NNT: variants seen among roughly 807,000 people sequenced by gnomAD.
NNT encodes NAD(P) transhydrogenase, mitochondrial.
In NNT, 50 loss-of-function variants were observed where a neutral mutation model predicts 104.8. That is an observed-to-expected ratio of 0.48 (90% CI 0.38 to 0.60). The LOEUF (loss-of-function observed/expected upper bound fraction) is 0.60, where lower values mean the gene tolerates loss of function less well. NNT is among the 20% of genes least tolerant of loss of function. The probability of loss-of-function intolerance (pLI) is 0.00; values close to 1 mark genes in which losing one functional copy is unlikely to be tolerated. For synonymous variants in NNT, 461 were observed against 490.4 expected, an observed-to-expected ratio of 0.94 and a Z score of 0.79; for missense variants, 1,131 against 1,330.7, an observed-to-expected ratio of 0.85 and a Z score of 2.33.
intron 2 of NNT, among the ~76,000 whole-genome samples, chr5:43,610,857 G>T (rs893578654): frequency 2.0e-5 from 3 of 152,148 alleles, no homozygotes; most frequent in African/African-American, 7.2e-5. Context: ...TGGACATCAA[G>T]ATCTCTATAT....
chr5:43,660,654 G>C (rs1021062455), intron 17 of NNT, among the ~76,000 whole-genome samples: 4 of 152,190 alleles, frequency 2.6e-5, no homozygotes, highest in African/African-American at 7.2e-5. Context: ...TGACTGTGAG[G>C]CCACAGGAAG....
chr5:43,680,647 G>A (rs1182840564), intron 19 of NNT, among the ~76,000 whole-genome samples: 1 of 152,162 alleles, frequency 6.6e-6, no homozygotes. Flanking sequence ...AGACACTCCT[G>A]TTTTCCTTTA....
intron 19 of NNT, among the ~76,000 whole-genome samples, chr5:43,691,420 T>A (rs575575542): frequency 2.6e-5 from 4 of 152,312 alleles, no homozygotes; most frequent in African/African-American, 9.6e-5. Flanking sequence ...TGTTATTTTT[T>A]AAGTTGTTAG....
chr5:43,638,271 T>C (rs1156877049), intron 7 of NNT, among the ~76,000 whole-genome samples: 1 of 152,148 alleles, frequency 6.6e-6, no homozygotes, highest in Non-Finnish European at 1.5e-5. Flanking sequence ...CGGCCAGCAA[T>C]TTATAGCAGC....
intron 19 of NNT, among the ~76,000 whole-genome samples, chr5:43,686,485 A>G (rs1741997646): frequency 6.6e-6 from 1 of 152,020 alleles, no homozygotes; most frequent in Admixed American, 6.6e-5. Context: ...GTTTTTTAGT[A>G]TTTTTGATGT....
intron 17 of NNT, among the ~76,000 whole-genome samples, chr5:43,673,731 T>G (rs1055036364): frequency 7.9e-5 from 12 of 152,118 alleles, no homozygotes; most frequent in African/African-American, 2.9e-4. Flanking sequence ...TTAAAAGCAT[T>G]TCTTTAGCTG....
At chr5:43,640,625 C>T (rs1023152368) in intron 7 of NNT, among the ~76,000 whole-genome samples, 2 of 151,818 alleles carry the variant, frequency 1.3e-5, no homozygotes, top group Admixed American at 1.3e-4. Flanking sequence ...TAAAGATCAC[C>T]TGTGATCTCT....
chr5:43,638,488 C>T (rs75032978), intron 7 of NNT, among the ~76,000 whole-genome samples: 10,062 of 152,182 alleles, frequency 0.066, 562 homozygotes, highest in African/African-American at 0.15. Flanking sequence ...TTTACCTGCT[C>T]TATTTTACAT....
chr5:43,657,566 A>G (rs973698241), intron 16 of NNT, among the ~76,000 whole-genome samples: 1 of 152,226 alleles, frequency 6.6e-6, no homozygotes, highest in Non-Finnish European at 1.5e-5. Flanking sequence ...GCAATTGCTT[A>G]TGAAATACTT....
chr5:43,702,658 T>C lies in NNT; in HGVS notation c.3033T>C (p.Thr1011=). Residue 1011 remains threonine, a synonymous_variant, in exon 21 of 22, where the codon ACT becomes ACC. Coordinates refer to ENST00000344920, the MANE Select transcript of NNT (RefSeq NM_182977.3). ...TCCTTGTAATTGGAGCTAATGACAC[T>C]GTTAATTCAGCAGCTCAAGAAGATC... ...DLVLVIGAND[T]VNSAAQEDPN... 4 of 1,612,982 alleles carry C rather than the reference T, an allele frequency of 2.5e-6. No homozygotes were observed. Among genetic ancestry groups the C allele is most frequent in the Non-Finnish European group, 3.4e-6 (4 of 1,179,332 alleles).
At chr5:43,638,270 ATT>A (rs2111777786) in intron 7 of NNT, among the ~76,000 whole-genome samples, 1 of 152,256 alleles carries the variant, frequency 6.6e-6, no homozygotes, top group East Asian at 1.9e-4. Flanking sequence ...TCGGCCAGCA[ATT>A]TATAGCAGCG....
At position 43,680,006 on chromosome 5, in the gene NNT, G is replaced by GT. The variant is rs949251470; in HGVS notation, c.2876+2209dup. On this transcript the variant is annotated intron_variant, in intron 19 of 21. Coordinates refer to ENST00000344920, the MANE Select transcript of NNT (RefSeq NM_182977.3). ...AGGTAAAATATATTAATATATTGTAGTTTTTTTTTACTATAGTATGTTGAA... is the reference window on the plus strand; with the variant it reads ...AGGTAAAATATATTAATATATTGTAGTTTTTTTTTTACTATAGTATGTTGAA... Among the ~76,000 whole-genome samples, 14 of 150,580 alleles carry GT rather than the reference G, an allele frequency of 9.3e-5. No homozygotes were observed. In the East Asian group the frequency reaches 9.7e-4, roughly 10 times the overall value.
chr5:43,626,928 T>C (rs1379534089), intron 6 of NNT, among the ~76,000 whole-genome samples: 2 of 152,130 alleles, frequency 1.3e-5, no homozygotes, highest in African/African-American at 4.8e-5. Flanking sequence ...TTCTTATTAA[T>C]ATTGGTAGAC....
chr5:43,646,083 TC>T (rs1416395294), intron 10 of NNT, among the ~76,000 whole-genome samples: 1 of 152,096 alleles, frequency 6.6e-6, no homozygotes, highest in Non-Finnish European at 1.5e-5. Context: ...CCATTAGTAA[TC>T]GGGCCTGACA....
intron 19 of NNT, among the ~76,000 whole-genome samples, chr5:43,681,839 G>A (rs1287398083): frequency 6.6e-6 from 1 of 152,180 alleles, no homozygotes; most frequent in Non-Finnish European, 1.5e-5. Flanking sequence ...GTCCTCAAAA[G>A]TTTATAGTTA....
intron 18 of NNT, among the ~76,000 whole-genome samples, chr5:43,677,242 G>T (rs1335890228): frequency 3.9e-5 from 6 of 152,162 alleles, no homozygotes; most frequent in Non-Finnish European, 8.8e-5. Flanking sequence ...CAAGGAGAAT[G>T]TGAGGGGCAA....
At chr5:43,639,686 C>T (rs1046230739) in intron 7 of NNT, among the ~76,000 whole-genome samples, 2 of 152,044 alleles carry the variant, frequency 1.3e-5, no homozygotes, top group Non-Finnish European at 2.9e-5. Flanking sequence ...TGAATGATGA[C>T]TGTGAGAGCT....
Position 43,632,969 on chromosome 5 carries a change from C to T in NNT, c.964+4582C>T, listed in dbSNP as rs529281670. On this transcript the variant is annotated intron_variant, in intron 7 of 21. Transcript: ENST00000344920. ...GAGAAGGAATCATGGTGATTTTGCA[C>T]TGACTGTGTCTTGGGCAAATTTCAC... 3.3e-5 allele frequency among the ~76,000 whole-genome samples: 5 copies of T among 152,284 alleles called. No homozygotes were observed. In the South Asian group the frequency reaches 1.0e-3, roughly 32 times the overall value.
intron 17 of NNT, chr5:43,666,990 A>G: frequency 6.3e-7 from 1 of 1,595,742 alleles, no homozygotes; most frequent in East Asian, 2.2e-5. Context: ...TCTTGGGCTT[A>G]ACCTCCTTGG....
Sources: allele counts gnomAD v4.1 joint callset (sites outside exome capture counted in the v4.1 genomes callset), GRCh38; gene constraint gnomAD v4.1.1; transcripts MANE v1.5; gene names NCBI Gene and HGNC (gene_info 2026-07-23, HGNC 2026-07-21).